MED14: variants seen among roughly 807,000 people sequenced by gnomAD.
MED14 encodes mediator complex subunit 14.
Under a neutral mutation model 109.0 loss-of-function variants are expected in MED14, and 8 were observed. The observed-to-expected ratio is 0.07, with a 90% CI of 0.04 to 0.13. The LOEUF (loss-of-function observed/expected upper bound fraction) is 0.13. Ranked by LOEUF, MED14 falls within the 10% of genes least tolerant of loss-of-function variation. The probability of loss-of-function intolerance (pLI) is 1.00; values close to 1 mark genes in which losing one functional copy is unlikely to be tolerated. For synonymous variants in MED14, 399 were observed against 408.7 expected (o/e 0.98, Z 0.29); for missense variants, 711 against 1,142.4 (o/e 0.62, Z 5.44).
At chrX:40,657,574 G>A (rs760655624) in intron 28 of MED14, among the ~76,000 whole-genome samples, 4 of 111,590 alleles carry the variant, frequency 3.6e-5, no homozygotes, top group East Asian at 2.8e-4. Flanking sequence ...CTCCAGAACC[G>A]TGAGAGAATA....
intron 25 of MED14, 49 bp downstream of exon 25, chrX:40,664,258 C>A: frequency 9.0e-7 from 1 of 1,108,972 alleles, no homozygotes; most frequent in Non-Finnish European, 1.2e-6. Flanking sequence ...CAAGATAGGT[C>A]ACTTTGGGTT....
chrX:40,704,732 G>A (rs1931073327), intron 10 of MED14, among the ~76,000 whole-genome samples: 1 of 112,005 alleles, frequency 8.9e-6, no homozygotes, highest in African/African-American at 3.2e-5. Flanking sequence ...AATTAATAAA[G>A]TAAAAGATTG....
chrX:40,661,090 TTTTG>T (rs1412847221), intron 26 of MED14, among the ~76,000 whole-genome samples: 1 of 110,274 alleles, frequency 9.1e-6, no homozygotes, highest in South Asian at 3.9e-4. Flanking sequence ...AATTTTTGTT[TTTTG>T]TTTGTTTTGA....
At chrX:40,657,750 C>T (rs753414744) in intron 28 of MED14, among the ~76,000 whole-genome samples, 1 of 111,930 alleles carries the variant, frequency 8.9e-6, no homozygotes, top group East Asian at 2.8e-4. Context: ...CTGCTGCCCA[C>T]GGAGCATCTT....
At chrX:40,724,088 A>G (rs1293604592) in intron 3 of MED14, among the ~76,000 whole-genome samples, 1 of 112,581 alleles carries the variant, frequency 8.9e-6, no homozygotes, top group African/African-American at 3.2e-5. Flanking sequence ...AAAACTATGA[A>G]AAGAGACAAA....
chrX:40,656,425 C>A (rs1156418857), intron 28 of MED14, among the ~76,000 whole-genome samples: 1 of 112,289 alleles, frequency 8.9e-6, no homozygotes, highest in Non-Finnish European at 1.9e-5. Flanking sequence ...AAAGTCTAAA[C>A]GCTGATAAAA....
chrX:40,682,894 C>A lies in MED14; in HGVS notation c.2160G>T (p.Trp720Cys). ...FRLQGRNNRT[W>C]VAELVFANCP... ...AATTTGCAAACACTAACTCTGCTACCCAAGTGCGGTTATTTCTACCTTGTA... is the reference window on the plus strand; with the variant it reads ...AATTTGCAAACACTAACTCTGCTACACAAGTGCGGTTATTTCTACCTTGTA... Residue 720 changes from tryptophan to cysteine, a missense_variant, in exon 17 of 31, where the codon TGG becomes TGT. Coordinates refer to ENST00000324817, the MANE Select transcript of MED14 (RefSeq NM_004229.4). 8.3e-7 allele frequency: 1 copy of A among 1,211,423 alleles called. No homozygotes were observed. Among genetic ancestry groups the A allele is most frequent in the Non-Finnish European group, 1.1e-6 (1 of 895,220 alleles).
chrX:40,662,096 C>G (rs759359355), intron 26 of MED14, among the ~76,000 whole-genome samples: 1 of 111,782 alleles, frequency 8.9e-6, no homozygotes, highest in South Asian at 3.7e-4. Context: ...GAACTCCTGA[C>G]CTCAAGAGAT....
At chrX:40,691,262 T>C (rs139862645) in intron 15 of MED14, among the ~76,000 whole-genome samples, 26 of 112,262 alleles carry the variant, frequency 2.3e-4, no homozygotes, top group African/African-American at 7.4e-4. Flanking sequence ...AAATTTAGTT[T>C]AATATTCTTT....
At chrX:40,658,791 A>G (rs1929164038) in intron 28 of MED14, among the ~76,000 whole-genome samples, 1 of 109,149 alleles carries the variant, frequency 9.2e-6, no homozygotes. Context: ...TGAGCCCCAG[A>G]GGTCGAGGGT....
In MED14 at chrX:40,710,136, A is replaced by G. The variant is rs775807302; in HGVS notation, c.1023-7T>C. On this transcript the variant is annotated splice_polypyrimidine_tract_variant and splice_region_variant and intron_variant, in intron 8 of 30. Transcript: ENST00000324817. ...TCTCCCAAGAACCTGTTGACTAAAG[A>G]AAAAAATGAAATGAAGAATTTTTTT... 24 of 1,122,475 alleles carry G rather than the reference A, an allele frequency of 2.1e-5. No individual in the cohort carries two copies. The East Asian group carries it at 7.3e-4, about 34-fold the overall frequency. The allele number at this position is 1,122,475 out of a possible 1,213,427, so 92.5% of individuals were successfully genotyped here.
At chrX:40,731,123 A>G (rs1938982089) in intron 1 of MED14, among the ~76,000 whole-genome samples, 2 of 98,650 alleles carry the variant, frequency 2.0e-5, no homozygotes, top group Admixed American at 1.1e-4. Context: ...CCTGGGTGAC[A>G]GAGCAAGACC....
At position 40,675,193 on chromosome X, in the gene MED14, AC is replaced by A. The variant is rs759623819; in HGVS notation, c.3021+27del. 4 of 1,129,147 alleles carry A rather than the reference AC, an allele frequency of 3.5e-6. No homozygotes were observed. In the East Asian group the frequency reaches 1.0e-4, roughly 29 times the overall value. 93.1% of individuals were successfully genotyped at this position (1,129,147 alleles called of 1,213,427 possible). On this transcript the variant is annotated intron_variant, in intron 22 of 30. Transcript: ENST00000324817. ...ACCTGTGAAGTTACAGAAATGTGAT[AC>A]CACTTGGAATTCTGGCTAGATATTA...
Position 40,735,309 on chromosome X carries a change from G to A in MED14, c.104C>T (p.Ala35Val), listed in dbSNP as rs1932218944. 3.6e-6 allele frequency: 4 copies of A among 1,125,440 alleles called. No homozygotes were observed. The highest frequency in any genetic ancestry group is 4.7e-6 in the Non-Finnish European group (4 of 852,789). The allele number at this position is 1,125,440 out of a possible 1,213,427, so 92.7% of individuals were successfully genotyped here. ...AGCTGCAGCGGCCGCCGCCACGGCG[G>A]CTCCCGGGGGAGGAGGGGCTGGGGC... ...PSAPAPPPPG[A>V]AVAAAAAAAA... Residue 35 changes from alanine to valine, a missense_variant, in exon 1 of 31, where the codon GCC becomes GTC. Ala to Val is a moderately conservative substitution (Grantham distance 64). This residue lies in a region of MED14 where 62 missense variants were observed against 55.2 expected (regional missense o/e 1.12). Coordinates refer to ENST00000324817, the MANE Select transcript of MED14 (RefSeq NM_004229.4).
chrX:40,712,933 A>T lies in MED14; in HGVS notation c.762T>A (p.Val254=), dbSNP rs769740958. Residue 254 remains valine, a synonymous_variant, in exon 6 of 31, where the codon GTT becomes GTA. Transcript: ENST00000324817. ...ATTTACCTCCTGTTTCCTTATCCTC[A>T]ACTAGAATTTCTAGCTTGAGAAGAC... ...PWRLLKLEIL[V]EDKETGDGRA... 1 of 1,183,656 alleles carries T rather than the reference A, an allele frequency of 8.4e-7. No homozygotes were observed. Among genetic ancestry groups the T allele is most frequent in the South Asian group, 1.9e-5 (1 of 52,359 alleles).
intron 13 of MED14, among the ~76,000 whole-genome samples, chrX:40,693,466 T>C (rs1263753481): frequency 8.9e-6 from 1 of 111,778 alleles, no homozygotes; most frequent in Admixed American, 9.5e-5. Flanking sequence ...CCACGTAAGC[T>C]GTGACTTGCT....
At chrX:40,711,771 C>T (rs1172878082) in intron 7 of MED14, among the ~76,000 whole-genome samples, 4 of 107,167 alleles carry the variant, frequency 3.7e-5, no homozygotes, top group Admixed American at 3.0e-4. Context: ...TACAGGTGCC[C>T]GCCACCACAC....
intron 10 of MED14, among the ~76,000 whole-genome samples, chrX:40,704,276 A>C (rs1229265927): frequency 5.3e-5 from 6 of 112,427 alleles, no homozygotes; most frequent in Admixed American, 9.4e-5. Flanking sequence ...TCCAGTAAAC[A>C]AGCAAAACAC....
At chrX:40,686,573 TTCTA>T (rs1378119280) in intron 16 of MED14, among the ~76,000 whole-genome samples, 3 of 111,680 alleles carry the variant, frequency 2.7e-5, no homozygotes, top group African/African-American at 9.8e-5. Flanking sequence ...AGAGGAACTA[TTCTA>T]GTTCAATTCT....
Sources: gnomAD v4.1 joint callset for allele counts (sites outside exome capture counted in the v4.1 genomes callset) on GRCh38, gnomAD v4.1.1 for gene constraint, gnomAD v4.1.1 regional missense constraint, MANE v1.5 for transcripts, NCBI Gene and HGNC (gene_info 2026-07-23, HGNC 2026-07-21) for gene names.